The following GULP1 variants were observed in gnomAD, a reference collection of about 807,000 sequenced individuals.
GULP1 encodes the protein GULP PTB domain containing engulfment adaptor 1, also known as PTB domain-containing engulfment adapter protein 1.
In GULP1, 19 loss-of-function variants were observed where a neutral mutation model predicts 40.9. The ratio of observed to expected loss-of-function variants is 0.46; its 90% CI spans 0.32 to 0.68. The LOEUF is 0.68. Ranked by LOEUF, GULP1 falls within the 30% of genes least tolerant of loss-of-function variation. GULP1 has a pLI of 0.03. For synonymous variants in GULP1, 119 were observed against 117.6 expected (o/e 1.01, Z -0.08); for missense variants, 312 against 362.2 (o/e 0.86, Z 1.12).
At chr2:188,351,998 C>A (rs1167102483) in intron 1 of GULP1, among the ~76,000 whole-genome samples, 1 of 152,010 alleles carries the variant, frequency 6.6e-6, no homozygotes, top group African/African-American at 2.4e-5. Flanking sequence ...TCCCTGTTTG[C>A]CAGAGAAAAT....
intron 2 of GULP1, among the ~76,000 whole-genome samples, chr2:188,385,130 C>T (rs577906853): frequency 6.6e-5 from 10 of 152,172 alleles, no homozygotes; most frequent in Non-Finnish European, 1.2e-4. Flanking sequence ...CCACACTGCC[C>T]TAGGAGAGGT....
At chr2:188,466,226 C>CT (rs1375238986) in intron 2 of GULP1, among the ~76,000 whole-genome samples, 4 of 151,900 alleles carry the variant, frequency 2.6e-5, no homozygotes, top group Admixed American at 6.6e-5. Flanking sequence ...TAAAAACATA[C>CT]TTCATTTGGA....
chr2:188,373,951 G>A (rs1234668009), intron 1 of GULP1, among the ~76,000 whole-genome samples: 1 of 151,734 alleles, frequency 6.6e-6, no homozygotes, highest in Non-Finnish European at 1.5e-5. Flanking sequence ...TTAAAAATTG[G>A]TCTCCTCTAC....
intron 1 of GULP1, among the ~76,000 whole-genome samples, chr2:188,333,073 C>T (rs1348163360): frequency 6.6e-6 from 1 of 151,740 alleles, no homozygotes; most frequent in Non-Finnish European, 1.5e-5. Context: ...AGTGAGACCT[C>T]GTCTCTACAA....
chr2:188,524,994 A>G lies in GULP1; in HGVS notation c.162+2167A>G, dbSNP rs151131980. 1.9e-4 allele frequency among the ~76,000 whole-genome samples: 29 copies of G among 152,126 alleles called. No homozygotes were observed. In the East Asian group the frequency reaches 5.0e-3, roughly 26 times the overall value. The stretch of plus-strand genomic sequence containing the variant: ...TAAAAGCTGATGGAAAAATTAAAGA[A>G]TTCTCAACAATGAATTTTTCATGCT... On this transcript the variant is annotated intron_variant, in intron 5 of 11. Coordinates refer to ENST00000409830, the MANE Select transcript of GULP1 (RefSeq NM_016315.4).
intron 9 of GULP1, among the ~76,000 whole-genome samples, chr2:188,581,362 C>T (rs1701284160): frequency 6.6e-6 from 1 of 152,120 alleles, no homozygotes; most frequent in African/African-American, 2.4e-5. Context: ...TACATCTGAC[C>T]CTTGCTCAAG....
chr2:188,572,588 ATGT>A (rs1207559293), intron 9 of GULP1, among the ~76,000 whole-genome samples: 5 of 152,324 alleles, frequency 3.3e-5, no homozygotes, highest in South Asian at 2.1e-4. Flanking sequence ...TTGTCATGTA[ATGT>A]TGTTGTCTAC....
intron 1 of GULP1, among the ~76,000 whole-genome samples, chr2:188,330,159 G>A (rs758381924): frequency 9.9e-5 from 15 of 152,120 alleles, no homozygotes; most frequent in Non-Finnish European, 1.8e-4. Flanking sequence ...AGTTTTCACT[G>A]TAAATATATG....
rs553609977 is a variant in GULP1, at chr2:188,544,546, T to C, written c.399+3228T>C. Among the ~76,000 whole-genome samples, 15 of 151,458 alleles carry C rather than the reference T, an allele frequency of 9.9e-5. No individual in the cohort carries two copies. The South Asian group carries it at 3.1e-3, about 32-fold the overall frequency. On this transcript the variant is annotated intron_variant, in intron 7 of 11. Transcript: ENST00000409830. ...AAAACTTAAAGTATTATTATAATAA[T>C]AATAATAATACTAAAAGAATACTGA...
intron 1 of GULP1, among the ~76,000 whole-genome samples, chr2:188,295,368 A>G (rs529482646): frequency 6.9e-4 from 105 of 152,292 alleles, no homozygotes; most frequent in African/African-American, 2.5e-3. Context: ...CTGTATTCCA[A>G]TCAGCACCGA....
intron 2 of GULP1, among the ~76,000 whole-genome samples, chr2:188,447,167 C>T (rs2058462959): frequency 6.6e-6 from 1 of 152,150 alleles, no homozygotes; most frequent in Admixed American, 6.6e-5. Context: ...AAAGGAATGT[C>T]TGGGTTACTA....
chr2:188,556,407 A>G (rs1162271516), intron 7 of GULP1, among the ~76,000 whole-genome samples: 3 of 152,056 alleles, frequency 2.0e-5, no homozygotes, highest in East Asian at 3.9e-4. Flanking sequence ...AAACATATCT[A>G]TCTCTTCAGT....
intron 7 of GULP1, among the ~76,000 whole-genome samples, chr2:188,566,043 A>G (rs985826237): frequency 2.0e-5 from 3 of 152,120 alleles, no homozygotes; most frequent in Admixed American, 6.6e-5. Flanking sequence ...TAGGCATAAG[A>G]GACATTCTGG....
In GULP1 at chr2:188,492,627, G is replaced by A. The variant is rs558191881; in HGVS notation, c.90+9135G>A. Reference sequence around the variant, plus strand: ...AAGTGATGCTGGGGATGAATGGATAGATTCATAGGAAGAATTAACTTTAAA... The same window carrying A: ...AAGTGATGCTGGGGATGAATGGATAAATTCATAGGAAGAATTAACTTTAAA... On this transcript the variant is annotated intron_variant, in intron 4 of 11. Transcript: ENST00000409830. Among the ~76,000 whole-genome samples, 3 of 151,468 alleles carry A rather than the reference G, an allele frequency of 2.0e-5. No homozygotes were observed. The South Asian group carries it at 6.2e-4, about 31-fold the overall frequency.
intron 1 of GULP1, among the ~76,000 whole-genome samples, chr2:188,362,006 A>G (rs184947898): frequency 6.6e-6 from 1 of 152,082 alleles, no homozygotes; most frequent in East Asian, 1.9e-4. Context: ...TTTAAAAAGT[A>G]AAAATTATTT....
At chr2:188,491,528 G>A (rs973557260) in intron 4 of GULP1, 6 of 152,042 alleles carry the variant, frequency 3.9e-5, no homozygotes, top group African/African-American at 1.4e-4. Context: ...TAATTTAGAT[G>A]TGAACACAGA....
chr2:188,319,391 A>C (rs886491425), intron 1 of GULP1, among the ~76,000 whole-genome samples: 4 of 152,128 alleles, frequency 2.6e-5, no homozygotes, highest in Non-Finnish European at 5.9e-5. Flanking sequence ...GACCATTTTC[A>C]GACTTGTACA....
At chr2:188,314,334 T>G (rs1226768376) in intron 1 of GULP1, among the ~76,000 whole-genome samples, 1 of 152,150 alleles carries the variant, frequency 6.6e-6, no homozygotes, top group Non-Finnish European at 1.5e-5. Context: ...AAAGTCAAAC[T>G]TTCTCCTGTG....
intron 4 of GULP1, among the ~76,000 whole-genome samples, chr2:188,484,176 G>A (rs2061669982): frequency 6.6e-6 from 1 of 152,122 alleles, no homozygotes; most frequent in Non-Finnish European, 1.5e-5. Context: ...CCAAAGTGCT[G>A]GGATTACAGG....
Sources: allele counts gnomAD v4.1 joint callset (sites outside exome capture counted in the v4.1 genomes callset), GRCh38; gene constraint gnomAD v4.1.1; transcripts MANE v1.5; gene names NCBI Gene and HGNC (gene_info 2026-07-23, HGNC 2026-07-21).